Variants in SVEP1 observed in about 807,000 individuals in gnomAD.
The protein encoded by SVEP1 is sushi, von Willebrand factor type A, EGF and pentraxin domain containing 1.
Under a neutral mutation model 367.3 loss-of-function variants are expected in SVEP1, and 164 were observed. That is an observed-to-expected ratio of 0.45 (90% CI 0.39 to 0.51). The LOEUF is 0.51. Among genes scored for constraint, SVEP1 ranks in the 20% least tolerant of loss-of-function variants. The pLI is 0.00. For missense variants in SVEP1, 4,117 were observed against 4,425.3 expected (o/e 0.93, Z 1.98); for synonymous variants, 1,666 against 1,611.6 (o/e 1.03, Z -0.81).
chr9:110,459,187 G>T, intron 18 of SVEP1, 74 bp from the exon 19 acceptor site: 1 of 1,385,884 alleles, frequency 7.2e-7, no homozygotes, highest in Admixed American at 1.9e-5. Context: ...GATTTAATCT[G>T]TGCATATAAG....
At position 110,408,490 on chromosome 9, in the gene SVEP1, A is replaced by G. The variant is rs1432646774; in HGVS notation, c.7110T>C (p.Asn2370=). 4 of 1,613,946 alleles carry G rather than the reference A, an allele frequency of 2.5e-6. No individual in the cohort carries two copies. The highest frequency in any genetic ancestry group is 3.4e-6 in the Non-Finnish European group (4 of 1,179,874). ...CAATCTTACAAACAGGGAAAGAGTCATTCCATTGCTGGGATGGCAAGCATT... is the reference window on the plus strand; with the variant it reads ...CAATCTTACAAACAGGGAAAGAGTCGTTCCATTGCTGGGATGGCAAGCATT... The part of the protein sequence containing the change: ...VLKCLPSQQW[N]DSFPVCKIVL... Residue 2370 remains asparagine (N), a synonymous_variant, in exon 38 of 48, where the codon AAT becomes AAC. Transcript: ENST00000374469.
intron 46 of SVEP1, among the ~76,000 whole-genome samples, chr9:110,373,258 A>C (rs1240385369): frequency 6.6e-6 from 1 of 152,210 alleles, no homozygotes; most frequent in Non-Finnish European, 1.5e-5. Context: ...TCAGAGTCTC[A>C]AATAAGGCCT....
chr9:110,476,451 A>G (rs561204029), intron 13 of SVEP1, 136 bp from the exon 14 acceptor site: 150 of 657,026 alleles, frequency 2.3e-4, no homozygotes, highest in Non-Finnish European at 3.3e-4. Flanking sequence ...ACATTCCTCA[A>G]AGGGATTCTG....
rs116090923 is a variant in SVEP1 at position 110,377,542 on chromosome 9, T to C, written c.10409-176A>G. On this transcript the variant is annotated intron_variant, in intron 44 of 47. Coordinates refer to ENST00000374469, the MANE Select transcript of SVEP1 (RefSeq NM_153366.4). ...TATGTGGAGAAGTACAGCATTTTAT[T>C]GGCTGCTATTATTTCAGTTTTCCCT... Among the ~76,000 whole-genome samples the C allele has an allele frequency of 3.5e-3, 535 of 152,350 alleles. 4 individuals carry two copies. The highest frequency in any genetic ancestry group is 0.012 in the African/African-American group (498 of 41,578).
chr9:110,454,662 C>A (rs532465580), intron 22 of SVEP1, among the ~76,000 whole-genome samples: 1 of 152,296 alleles, frequency 6.6e-6, no homozygotes, highest in South Asian at 2.1e-4. Flanking sequence ...TTTGCAGCAA[C>A]ATGGATGCAG....
chr9:110,509,128 C>T (rs907725481), intron 5 of SVEP1, among the ~76,000 whole-genome samples: 2 of 152,136 alleles, frequency 1.3e-5, no homozygotes, highest in African/African-American at 4.8e-5. Flanking sequence ...CATTGTAAGA[C>T]ACAACATTAT....
Position 110,511,381 on chromosome 9 carries a change from T to G in SVEP1, c.1303+1545A>C, listed in dbSNP as rs540157125. Among the ~76,000 whole-genome samples the G allele has an allele frequency of 1.1e-4, 16 of 152,062 alleles. No homozygotes were observed. The South Asian group carries it at 3.3e-3, about 32-fold the overall frequency. On this transcript the variant is annotated intron_variant, in intron 5 of 47. Coordinates refer to ENST00000374469, the MANE Select transcript of SVEP1 (RefSeq NM_153366.4). ...ATTCTCATGTTACTTTATTCTTTCA[T>G]ATTTTTATTTTTGGATTTTTTTGAT... is the stretch of plus-strand genomic sequence containing the variant.
chr9:110,533,241 CT>C (rs1218833737), intron 3 of SVEP1, among the ~76,000 whole-genome samples: 1 of 152,170 alleles, frequency 6.6e-6, no homozygotes, highest in Non-Finnish European at 1.5e-5. Flanking sequence ...AGAACTACCA[CT>C]GATGGAGCAC....
intron 40 of SVEP1, among the ~76,000 whole-genome samples, chr9:110,400,021 A>T (rs1199334772): frequency 1.3e-5 from 2 of 152,188 alleles, no homozygotes; most frequent in Non-Finnish European, 2.9e-5. Flanking sequence ...GGTGCTGCGG[A>T]AGGGATTTTA....
chr9:110,405,850 C>G (rs1388876593), intron 38 of SVEP1, among the ~76,000 whole-genome samples: 1 of 152,168 alleles, frequency 6.6e-6, no homozygotes, highest in Non-Finnish European at 1.5e-5. Flanking sequence ...GTTTAAAAAA[C>G]AGCTTCACGA....
In SVEP1 at chr9:110,458,531, T is replaced by G. The variant is rs764861603; in HGVS notation, c.3516A>C (p.Glu1172Asp). ...SFSSTFSAAEESVVPPASLGH... is the reference protein window; with the variant it reads ...SFSSTFSAAEDSVVPPASLGH... ...CAAGAGAGGCAGGGGGCACCACACTTTCCTCTGCCGCTGAGAAAGTTGAAC... is the reference window on the plus strand; with the variant it reads ...CAAGAGAGGCAGGGGGCACCACACTGTCCTCTGCCGCTGAGAAAGTTGAAC... Residue 1172 changes from glutamate to aspartate, a missense_variant, in exon 20 of 48, where the codon GAA (glutamate) becomes GAC (aspartate). Coordinates refer to ENST00000374469, the MANE Select transcript of SVEP1 (RefSeq NM_153366.4). The G allele has an allele frequency of 6.2e-7, 1 of 1,612,818 alleles. No individual in the cohort carries two copies. Among genetic ancestry groups the G allele is most frequent in the East Asian group, 2.2e-5 (1 of 44,874 alleles).
At chr9:110,505,627 C>T (rs1375792965) in intron 5 of SVEP1, among the ~76,000 whole-genome samples, 4 of 152,070 alleles carry the variant, frequency 2.6e-5, no homozygotes, top group Non-Finnish European at 4.4e-5. Context: ...TAAAAACTTC[C>T]AGCTCCTTTG....
At chr9:110,497,139 T>C (rs1000490829) in intron 7 of SVEP1, among the ~76,000 whole-genome samples, 2 of 152,218 alleles carry the variant, frequency 1.3e-5, no homozygotes, top group African/African-American at 4.8e-5. Context: ...TAGTACCTAT[T>C]AACCTCTTAG....
In SVEP1 at chr9:110,377,169, G is replaced by A. The variant is rs1008024305; in HGVS notation, c.10504+102C>T. ...GTGTGGACAAGGACTTACAGCAAATGAATTCTTCCCAACAGTACAACCATT... is the reference window on the plus strand; with the variant it reads ...GTGTGGACAAGGACTTACAGCAAATAAATTCTTCCCAACAGTACAACCATT... On this transcript the variant is annotated intron_variant, in intron 45 of 47. Coordinates refer to ENST00000374469, the MANE Select transcript of SVEP1 (RefSeq NM_153366.4). 3 of 1,031,106 alleles carry A rather than the reference G, an allele frequency of 2.9e-6. No individual in the cohort carries two copies. The South Asian group carries it at 4.6e-5, about 16-fold the overall frequency. The allele number at this position is 1,031,106 out of a possible 1,614,324, so 63.9% of individuals were successfully genotyped here.
At chr9:110,372,946 G>A (rs1018565634) in intron 46 of SVEP1, among the ~76,000 whole-genome samples, 2 of 152,158 alleles carry the variant, frequency 1.3e-5, no homozygotes, top group Admixed American at 6.5e-5. Flanking sequence ...GTAGTACATT[G>A]ATGATGTTCA....
intron 40 of SVEP1, among the ~76,000 whole-genome samples, chr9:110,395,261 A>T (rs1827739134): frequency 6.6e-6 from 1 of 152,198 alleles, no homozygotes; most frequent in African/African-American, 2.4e-5. Flanking sequence ...TATGCTTCAT[A>T]AGTGAAGGAG....
intron 40 of SVEP1, among the ~76,000 whole-genome samples, chr9:110,399,664 G>A (rs746180159): frequency 6.6e-5 from 10 of 151,818 alleles, no homozygotes; most frequent in East Asian, 1.9e-4. Flanking sequence ...CTCCTGAGTC[G>A]CTGGGACTAC....
Position 110,432,704 on chromosome 9 carries a change from T to C in SVEP1, c.5060-69A>G, listed in dbSNP as rs992571607. Reference sequence around the variant, plus strand: ...TACTCCAAGAACACTTTATTTGTATTAAACTAGCAGTTCAGTTAAGCATGA... The same window carrying C: ...TACTCCAAGAACACTTTATTTGTATCAAACTAGCAGTTCAGTTAAGCATGA... On this transcript the variant is annotated intron_variant, in intron 30 of 47. Transcript: ENST00000374469. 8.6e-6 allele frequency: 13 copies of C among 1,507,098 alleles called. No individual in the cohort carries two copies. The African/African-American group carries it at 1.8e-4, about 21-fold the overall frequency. The allele number at this position is 1,507,098 out of a possible 1,614,324, so 93.4% of individuals were successfully genotyped here. A position where few individuals can be genotyped will look rare whatever the true frequency, so the allele number is the denominator to read the frequency against.
chr9:110,397,826 C>T (rs1588033032), intron 40 of SVEP1, among the ~76,000 whole-genome samples: 1 of 151,952 alleles, frequency 6.6e-6, no homozygotes, highest in Non-Finnish European at 1.5e-5. Flanking sequence ...CAAACCACTG[C>T]TCAATGAAAT....
Sources: allele counts gnomAD v4.1 joint callset (sites outside exome capture counted in the v4.1 genomes callset), GRCh38; gene constraint gnomAD v4.1.1; transcripts MANE v1.5; gene names NCBI Gene and HGNC (gene_info 2026-07-23, HGNC 2026-07-21).